DRP2: variants seen among roughly 807,000 people sequenced by gnomAD.
DRP2 encodes dystrophin-related protein 2.
Under a neutral mutation model 78.2 loss-of-function variants are expected in DRP2, and 29 were observed. That is an observed-to-expected ratio of 0.37 (90% CI 0.28 to 0.51). DRP2 has a LOEUF of 0.51. Among genes scored for constraint, DRP2 ranks in the 20% least tolerant of loss-of-function variants. The probability of loss-of-function intolerance (pLI) is 0.94; values close to 1 mark genes in which losing one functional copy is unlikely to be tolerated. For synonymous variants in DRP2, 290 were observed against 281.9 expected (o/e 1.03, Z -0.29); for missense variants, 686 against 770.6 (o/e 0.89, Z 1.30).
chrX:101,262,669 A>G lies in DRP2; in HGVS notation c.*2048A>G, dbSNP rs1923601662. Reference sequence around the variant, plus strand: ...ACAGGTCCAGGGTGTCAGACTTCACAGCATAACATCTGCCTTAGTGTTCAT... The same window carrying G: ...ACAGGTCCAGGGTGTCAGACTTCACGGCATAACATCTGCCTTAGTGTTCAT... On this transcript the variant is annotated 3_prime_UTR_variant, in exon 24 of 24. Coordinates refer to ENST00000395209, the MANE Select transcript of DRP2 (RefSeq NM_001939.3). 1 of 111,464 alleles carries G rather than the reference A, an allele frequency of 9.0e-6. No individual in the cohort carries two copies. The highest frequency in any genetic ancestry group is 3.8e-4 in the South Asian group (1 of 2,640). 9.2% of individuals were successfully genotyped at this position (111,464 alleles called of 1,213,427 possible).
chrX:101,231,991 C>T (rs1569508049), intron 3 of DRP2, among the ~76,000 whole-genome samples: 1 of 111,338 alleles, frequency 9.0e-6, no homozygotes, highest in East Asian at 2.8e-4. Context: ...AGAGGGCCCA[C>T]TGCAGCTGAG....
chrX:101,224,191 G>GTTTTGTTTTGTTTTTTTTTTTTTTTT (rs1922007763), intron 1 of DRP2, among the ~76,000 whole-genome samples: 1 of 38,868 alleles, frequency 2.6e-5, no homozygotes, highest in African/African-American at 1.3e-4. Flanking sequence ...GGTTTTTTTT[G>GTTTTGTTTTGTTTTTTTTTTTTTTTT]TTTTTTTTTT....
intron 16 of DRP2, 35 bp from the exon 17 acceptor site, chrX:101,252,570 G>A (rs1467056312): frequency 6.1e-6 from 7 of 1,147,892 alleles, no homozygotes; most frequent in Non-Finnish European, 7.2e-6. Flanking sequence ...TGGCACGTTG[G>A]ACTCTCTTTC....
chrX:101,247,086 G>A lies in DRP2; in HGVS notation c.1178-4G>A, dbSNP rs1922957475. ...CTGAGTGGGTCTCTCTCCATTCTTTGCAGCTGATCTGAACAACATTAAGTT... is the reference window on the plus strand; with the variant it reads ...CTGAGTGGGTCTCTCTCCATTCTTTACAGCTGATCTGAACAACATTAAGTT... On this transcript the variant is annotated splice_region_variant and splice_polypyrimidine_tract_variant and intron_variant, in intron 11 of 23. Transcript: ENST00000395209. 2 of 1,207,977 alleles carry A rather than the reference G, an allele frequency of 1.7e-6. No individual in the cohort carries two copies. Among genetic ancestry groups the A allele is most frequent in the Admixed American group, 2.2e-5 (1 of 45,536 alleles).
At chrX:101,231,883 T>TGCTATCCAAG in intron 3 of DRP2, 119 bp downstream of exon 3, 1 of 533,603 alleles carries the variant, frequency 1.9e-6, no homozygotes, top group Non-Finnish European at 3.1e-6. Context: ...TGCAACCCCT[T>TGCTATCCAAG]GGATAGCATG....
chrX:101,237,553 GA>G (rs907144626), intron 4 of DRP2, 65 bp from the exon 5 acceptor site: 44 of 975,860 alleles, frequency 4.5e-5, no homozygotes, highest in Admixed American at 2.3e-4. Context: ...ACTTAGTTTG[GA>G]AAAAAAAATG....
rs889219460 is a variant in DRP2 at position 101,262,405 on chromosome X, C to G, written c.*1784C>G. ...ACAAACAGGCCTTTATTAGCCTTTG[C>G]CAGCTAAGACACAGAGAACATTCTC... On this transcript the variant is annotated 3_prime_UTR_variant, in exon 24 of 24. Transcript: ENST00000395209. The G allele has an allele frequency of 4.5e-5, 5 of 111,755 alleles. No individual in the cohort carries two copies. Among genetic ancestry groups the G allele is most frequent in the Admixed American group, 9.6e-5 (1 of 10,455 alleles). The allele number at this position is 111,755 out of a possible 1,213,427, so 9.2% of individuals were successfully genotyped here.
chrX:101,251,455 A>C (rs990075843), intron 16 of DRP2: 2 of 122,228 alleles, frequency 1.6e-5, no homozygotes, highest in Non-Finnish European at 3.4e-5. Context: ...ATATACTCCC[A>C]CTGTGAATGA....
intron 12 of DRP2, 129 bp downstream of exon 12, chrX:101,247,293 C>CT: frequency 1.8e-6 from 1 of 547,200 alleles, no homozygotes; most frequent in Non-Finnish European, 2.9e-6. Flanking sequence ...CTCTCCAAAG[C>CT]CTGCAATATG....
intron 11 of DRP2, among the ~76,000 whole-genome samples, chrX:101,246,372 A>G (rs1922934050): frequency 8.9e-6 from 1 of 112,583 alleles, no homozygotes; most frequent in East Asian, 2.8e-4. Context: ...TGTTTGTTGC[A>G]CATTTTATCC....
intron 14 of DRP2, among the ~76,000 whole-genome samples, chrX:101,248,983 T>C (rs888709405): frequency 4.5e-5 from 5 of 112,170 alleles, no homozygotes; most frequent in African/African-American, 1.6e-4. Context: ...AGACTTCTTA[T>C]ATACACAGGC....
At position 101,224,181 on chromosome X, in the gene DRP2, G is replaced by GTTTTTTTTTTTTT. The variant is rs1379202759; in HGVS notation, c.-166-423_-166-422insTTTTTTTTTTTTT. ...TCCCAAGAATAATAAATGTTTGCTG[G>GTTTTTTTTTTTTT]GTTTTTTTTGTTTTTTTTTTTTTTT... On this transcript the variant is annotated intron_variant, in intron 1 of 23. Transcript: ENST00000395209. Among the ~76,000 whole-genome samples the GTTTTTTTTTTTTT allele has an allele frequency of 1.4e-3, 69 of 47,644 alleles. 6 individuals carry two copies. The highest frequency in any genetic ancestry group is 4.0e-3 in the African/African-American group (33 of 8,190). 41.4% of individuals were successfully genotyped at this position (47,644 alleles called of 115,157 possible).
chrX:101,243,428 A>G (rs964000063), intron 9 of DRP2, among the ~76,000 whole-genome samples: 8 of 107,250 alleles, frequency 7.5e-5, no homozygotes, highest in African/African-American at 2.4e-4. Flanking sequence ...ACAATCTCTC[A>G]AATCGGAGAG....
intron 1 of DRP2, among the ~76,000 whole-genome samples, chrX:101,224,182 G>GTTTTTTTTTTTTTTTTTTTTTTTTT (rs1214156680): frequency 2.3e-5 from 1 of 44,232 alleles, no homozygotes; most frequent in Admixed American, 2.6e-4. Flanking sequence ...TGTTTGCTGG[G>GTTTTTTTTTTTTTTTTTTTTTTTTT]TTTTTTTTGT....
intron 17 of DRP2, among the ~76,000 whole-genome samples, chrX:101,253,453 T>C (rs1266040454): frequency 9.6e-6 from 1 of 104,648 alleles, no homozygotes; most frequent in African/African-American, 3.5e-5. Context: ...CCTGATCATA[T>C]CCCCAGCTCC....
At chrX:101,228,906 A>G (rs1251206399) in intron 2 of DRP2, among the ~76,000 whole-genome samples, 2 of 106,930 alleles carry the variant, frequency 1.9e-5, no homozygotes, top group African/African-American at 6.8e-5. Flanking sequence ...ACCCTGTCTC[A>G]AAAAAAAAAA....
In DRP2 at chrX:101,258,435, C is replaced by T; in HGVS notation, c.2517C>T (p.Ala839=). ...DHRNEELLAE[A]RILRQHKSRL... ...GCAATGAGGAGCTTCTGGCCGAGGC[C>T]CGTATCCTTCGGCAACATAAGAGCC... The change falls in exon 22 of 24, where the codon GCC becomes GCT. Residue 839 remains alanine (A), a synonymous_variant. Coordinates refer to ENST00000395209, the MANE Select transcript of DRP2 (RefSeq NM_001939.3). 8.3e-7 allele frequency: 1 copy of T among 1,205,458 alleles called. No individual in the cohort carries two copies. Among genetic ancestry groups the T allele is most frequent in the Non-Finnish European group, 1.1e-6 (1 of 892,355 alleles).
intron 3 of DRP2, among the ~76,000 whole-genome samples, chrX:101,233,886 A>G (rs753061241): frequency 9.8e-5 from 11 of 111,862 alleles, no homozygotes; most frequent in African/African-American, 2.0e-4. Context: ...GCCTCAGGGT[A>G]CAGCGAGAGG....
At chrX:101,248,035 C>T in intron 12 of DRP2, 54 bp from the exon 13 acceptor site, 1 of 1,117,946 alleles carries the variant, frequency 8.9e-7, no homozygotes, top group Non-Finnish European at 1.2e-6. Flanking sequence ...TATTTAATCC[C>T]TGGGGTTCTA....
Sources: allele counts gnomAD v4.1 joint callset (sites outside exome capture counted in the v4.1 genomes callset), GRCh38; gene constraint gnomAD v4.1.1; transcripts MANE v1.5; gene names NCBI Gene and HGNC (gene_info 2026-07-23, HGNC 2026-07-21).